CRB1: variants seen among roughly 807,000 people sequenced by gnomAD.
CRB1 encodes crumbs cell polarity complex component 1.
In CRB1, 83 loss-of-function variants were observed where a neutral mutation model predicts 120.0. The ratio of observed to expected loss-of-function variants is 0.69; its 90% confidence interval spans 0.58 to 0.83. The LOEUF (loss-of-function observed/expected upper bound fraction) is 0.83. Among genes scored for constraint, CRB1 ranks in the 40% least tolerant of loss-of-function variants. The pLI is 0.00. For missense variants in CRB1, 1,699 were observed against 1,687.6 expected (o/e 1.01, Z -0.12); for synonymous variants, 625 against 612.5 (o/e 1.02, Z -0.30).
chr1:197,409,893 C>T (rs1446563238), intron 5 of CRB1, among the ~76,000 whole-genome samples: 1 of 152,180 alleles, frequency 6.6e-6, no homozygotes, highest in African/African-American at 2.4e-5. Flanking sequence ...ATGCCACACA[C>T]CTGCCTCAGC....
At chr1:197,333,143 A>G (rs572340365) in intron 2 of CRB1, among the ~76,000 whole-genome samples, 1 of 152,224 alleles carries the variant, frequency 6.6e-6, no homozygotes, top group Non-Finnish European at 1.5e-5. Flanking sequence ...AAGGTAATAA[A>G]TTTTAAAAGG....
At chr1:197,256,186 A>C in the CRB1 span, among the ~76,000 whole-genome samples, 1 of 150,606 alleles carries the variant, frequency 6.6e-6, no homozygotes, top group African/African-American at 2.4e-5. Context: ...GTAGTAGATG[A>C]CTCGTTAATC....
chr1:197,241,713 T>C, the CRB1 span, among the ~76,000 whole-genome samples: 1 of 151,912 alleles, frequency 6.6e-6, no homozygotes, highest in Non-Finnish European at 1.5e-5. Context: ...TTTTTTTTTT[T>C]TTCTAATTCT....
the CRB1 span, among the ~76,000 whole-genome samples, chr1:197,212,294 A>G: frequency 6.6e-6 from 1 of 152,188 alleles, no homozygotes; most frequent in Non-Finnish European, 1.5e-5. Context: ...ATAAAAGTGT[A>G]TATCTATATA....
chr1:197,415,998 T>C (rs1162646582), intron 5 of CRB1, among the ~76,000 whole-genome samples: 1 of 152,142 alleles, frequency 6.6e-6, no homozygotes, highest in African/African-American at 2.4e-5. Flanking sequence ...AAATTCTATT[T>C]CTATAAGACC....
chr1:197,406,287 T>C (rs1055678061), intron 5 of CRB1, among the ~76,000 whole-genome samples: 5 of 152,164 alleles, frequency 3.3e-5, no homozygotes, highest in African/African-American at 9.7e-5. Context: ...CCCAACCCTG[T>C]GCTCTCTGAA....
chr1:197,218,078 A>G, the CRB1 span, among the ~76,000 whole-genome samples: 1 of 152,220 alleles, frequency 6.6e-6, no homozygotes, highest in African/African-American at 2.4e-5. Context: ...GCATTTTCAT[A>G]ATGAAAAAAA....
chr1:197,448,572 C>T (rs1334552930), intron 11 of CRB1, among the ~76,000 whole-genome samples: 1 of 152,200 alleles, frequency 6.6e-6, no homozygotes, highest in Non-Finnish European at 1.5e-5. Context: ...TCCCTTTGAA[C>T]TTTTCACAGC....
chr1:197,342,562 AT>A (rs1387685637), intron 2 of CRB1, among the ~76,000 whole-genome samples: 1 of 152,174 alleles, frequency 6.6e-6, no homozygotes, highest in Admixed American at 6.5e-5. Flanking sequence ...TTAATTGTTG[AT>A]TTTTTTAAAT....
intron 2 of CRB1, among the ~76,000 whole-genome samples, chr1:197,339,000 G>A (rs1437429460): frequency 3.3e-5 from 5 of 152,090 alleles, no homozygotes; most frequent in Admixed American, 6.6e-5. Flanking sequence ...GACAAAATTC[G>A]GCAGTCCTTC....
chr1:197,287,250 G>T (rs1655880653), intron 1 of CRB1, among the ~76,000 whole-genome samples: 1 of 151,802 alleles, frequency 6.6e-6, no homozygotes, highest in Non-Finnish European at 1.5e-5. Context: ...AGTGGTTCTG[G>T]CCCTTGGAAC....
rs1658676602 is a variant in CRB1 at position 197,328,761 on chromosome 1, C to T, written c.410C>T (p.Pro137Leu). The change falls in exon 2 of 12, where the codon CCT (proline) becomes CTT (leucine). Residue 137 changes from proline to leucine, a missense_variant. Pro to Leu is a moderately conservative substitution (Grantham distance 98, BLOSUM62 -3). Transcript: ENST00000367400. ...QDPIYPVCIC[P>L]AGYAGRFCEI... Reference sequence around the variant, plus strand: ...CCTATTTATCCTGTCTGCATCTGCCCTGCTGGATATGCTGGAAGATTCTGT... The same window carrying T: ...CCTATTTATCCTGTCTGCATCTGCCTTGCTGGATATGCTGGAAGATTCTGT... The T allele has an allele frequency of 9.3e-6, 15 of 1,611,960 alleles. No homozygotes were observed. Among genetic ancestry groups the T allele is most frequent in the African/African-American group, 1.3e-5 (1 of 74,906 alleles).
At chr1:197,229,719 G>C in the CRB1 span, among the ~76,000 whole-genome samples, 2 of 152,088 alleles carry the variant, frequency 1.3e-5, no homozygotes, top group African/African-American at 4.8e-5. Context: ...TTGGTTTTCT[G>C]TTTCTGCATT....
chr1:197,445,859 A>G (rs367752692), intron 11 of CRB1, among the ~76,000 whole-genome samples: 3 of 152,312 alleles, frequency 2.0e-5, no homozygotes, highest in East Asian at 3.9e-4. Flanking sequence ...TGATTTAGAC[A>G]CAATGCTTGC....
chr1:197,333,553 T>C (rs1005293849), intron 2 of CRB1, among the ~76,000 whole-genome samples: 3 of 152,228 alleles, frequency 2.0e-5, no homozygotes, highest in Non-Finnish European at 4.4e-5. Flanking sequence ...GTTCAATGTA[T>C]GTTGAAACAA....
intron 5 of CRB1, among the ~76,000 whole-genome samples, chr1:197,403,237 A>G (rs1663158535): frequency 6.6e-6 from 1 of 152,188 alleles, no homozygotes; most frequent in Non-Finnish European, 1.5e-5. Flanking sequence ...ATCATCATGT[A>G]TTCCCTCTTG....
chr1:197,340,875 T>C (rs1203019942), intron 2 of CRB1, among the ~76,000 whole-genome samples: 2 of 151,980 alleles, frequency 1.3e-5, no homozygotes, highest in African/African-American at 4.8e-5. Flanking sequence ...CTAGACTGGG[T>C]GATTTATTTA....
chr1:197,208,258 T>C, the CRB1 span, among the ~76,000 whole-genome samples: 1 of 152,180 alleles, frequency 6.6e-6, no homozygotes, highest in African/African-American at 2.4e-5. Context: ...TCCATTGATG[T>C]TGAGCTAGTG....
At chr1:197,463,371 AAC>A (rs977101298) in intron 11 of CRB1, among the ~76,000 whole-genome samples, 4 of 152,220 alleles carry the variant, frequency 2.6e-5, no homozygotes, top group African/African-American at 7.2e-5. Context: ...AAAAAAACAA[AAC>A]ACACACACAC....
Sources: gnomAD v4.1 joint callset for allele counts (sites outside exome capture counted in the v4.1 genomes callset) on GRCh38, gnomAD v4.1.1 for gene constraint, MANE v1.5 for transcripts, NCBI Gene and HGNC (gene_info 2026-07-23, HGNC 2026-07-21) for gene names.